The following CDH12 variants were observed in gnomAD, a reference collection of about 807,000 sequenced individuals.
CDH12 encodes cadherin-12.
A neutral mutation model predicts 74.1 loss-of-function variants in CDH12; 41 were observed. The ratio of observed to expected loss-of-function variants is 0.55; its 90% CI spans 0.43 to 0.72. The LOEUF (loss-of-function observed/expected upper bound fraction) is 0.72. CDH12 is among the 30% of genes least tolerant of loss of function. The pLI is 0.00. For synonymous variants in CDH12, 399 were observed against 355.0 expected, an observed-to-expected ratio of 1.12 and a Z score of -1.39; for missense variants, 945 against 977.2, an observed-to-expected ratio of 0.97 and a Z score of 0.44.
At chr5:22,166,060 T>A (rs1469361693) in intron 4 of CDH12, among the ~76,000 whole-genome samples, 1 of 152,256 alleles carries the variant, frequency 6.6e-6, no homozygotes, top group Non-Finnish European at 1.5e-5. Flanking sequence ...GCTTTCACTT[T>A]ACTCTGTGGA....
intron 4 of CDH12, among the ~76,000 whole-genome samples, chr5:22,193,771 G>A (rs1246677503): frequency 6.6e-6 from 1 of 151,770 alleles, no homozygotes; most frequent in African/African-American, 2.4e-5. Context: ...TGAGTCATCA[G>A]ACTCCACTGT....
intron 4 of CDH12, among the ~76,000 whole-genome samples, chr5:22,087,720 T>A (rs1255261593): frequency 1.3e-5 from 2 of 152,200 alleles, no homozygotes; most frequent in East Asian, 3.9e-4. Flanking sequence ...GAAATCTTCA[T>A]AAAAATTCAA....
chr5:21,804,643 AACACACACACACACACACAC>A (rs11281181), intron 9 of CDH12, among the ~76,000 whole-genome samples: 8 of 115,272 alleles, frequency 6.9e-5, no homozygotes, highest in African/African-American at 1.6e-4. Flanking sequence ...AGTGAATTAA[AACACACACACACACACACAC>A]ACACACACAC....
rs536315939 is a variant in CDH12, at chr5:21,823,143, G to A, written c.815-6011C>T. On this transcript the variant is annotated intron_variant, in intron 8 of 14. Transcript: ENST00000382254. ...TGATGGCATTTATGGTCTAGTGGGA[G>A]AGAAGTCAATTAAACAATCACACAA... 6.6e-5 allele frequency among the ~76,000 whole-genome samples: 10 copies of A among 152,118 alleles called. No individual in the cohort carries two copies. In the South Asian group the frequency reaches 2.1e-3, roughly 32 times the overall value.
chr5:22,645,271 A>T (rs760738344), intron 1 of CDH12, among the ~76,000 whole-genome samples: 4 of 152,100 alleles, frequency 2.6e-5, no homozygotes, highest in Non-Finnish European at 5.9e-5. Flanking sequence ...CAAAATATCA[A>T]CATCAACAGG....
chr5:22,613,501 T>A (rs1258009895), intron 1 of CDH12, among the ~76,000 whole-genome samples: 3 of 152,104 alleles, frequency 2.0e-5, no homozygotes, highest in Non-Finnish European at 2.9e-5. Context: ...TGTGATGATT[T>A]ATGAGACACG....
At chr5:22,633,405 A>C (rs1738681097) in intron 1 of CDH12, among the ~76,000 whole-genome samples, 1 of 152,174 alleles carries the variant, frequency 6.6e-6, no homozygotes, top group South Asian at 2.1e-4. Flanking sequence ...AATGGTTATA[A>C]ACTTATTTGA....
intron 1 of CDH12, among the ~76,000 whole-genome samples, chr5:22,766,902 C>T (rs1158990633): frequency 2.6e-5 from 4 of 152,086 alleles, no homozygotes; most frequent in East Asian, 1.9e-4. Context: ...TGCAGATTTT[C>T]GTATTGGCAG....
intron 2 of CDH12, among the ~76,000 whole-genome samples, chr5:22,478,848 A>G (rs748625625): frequency 2.0e-5 from 3 of 152,178 alleles, no homozygotes; most frequent in Non-Finnish European, 4.4e-5. Flanking sequence ...GACTGATGCT[A>G]TCATTTAGAT....
At chr5:21,760,197 C>A (rs910551284) in intron 13 of CDH12, among the ~76,000 whole-genome samples, 1 of 151,898 alleles carries the variant, frequency 6.6e-6, no homozygotes, top group Admixed American at 6.6e-5. Flanking sequence ...CTGTGCTGTA[C>A]GGTGTGTTAT....
chr5:22,138,875 T>TATATATATATATATATATATATAC (rs1256794399), intron 4 of CDH12, among the ~76,000 whole-genome samples: 13 of 137,678 alleles, frequency 9.4e-5, no homozygotes, highest in Non-Finnish European at 1.6e-4. Context: ...TATATATATA[T>TATATATATATATATATATATATAC]ACATGTTGGA....
intron 1 of CDH12, among the ~76,000 whole-genome samples, chr5:22,738,639 A>G (rs746114943): frequency 4.6e-5 from 7 of 152,114 alleles, no homozygotes; most frequent in African/African-American, 4.8e-5. Flanking sequence ...TCAAGGGGAC[A>G]TGTTTAAAAA....
At chr5:22,237,089 C>T (rs987500996) in intron 3 of CDH12, among the ~76,000 whole-genome samples, 5 of 152,050 alleles carry the variant, frequency 3.3e-5, no homozygotes, top group Admixed American at 1.3e-4. Flanking sequence ...TATAATTGTA[C>T]GTGCAACACT....
intron 1 of CDH12, among the ~76,000 whole-genome samples, chr5:22,747,202 A>G (rs1435873001): frequency 6.6e-6 from 1 of 152,172 alleles, no homozygotes; most frequent in Non-Finnish European, 1.5e-5. Context: ...CACTTATTAT[A>G]TGTTTATTTT....
At chr5:22,516,314 A>G (rs572861972) in intron 1 of CDH12, among the ~76,000 whole-genome samples, 11 of 152,200 alleles carry the variant, frequency 7.2e-5, no homozygotes, top group Non-Finnish European at 1.6e-4. Context: ...GAATATAAAT[A>G]CCATTTATAA....
At chr5:21,761,430 A>G (rs1744711081) in intron 12 of CDH12, among the ~76,000 whole-genome samples, 1 of 152,152 alleles carries the variant, frequency 6.6e-6, no homozygotes, top group Non-Finnish European at 1.5e-5. Flanking sequence ...TTATTAACAT[A>G]TCCAATGGCT....
intron 1 of CDH12, among the ~76,000 whole-genome samples, chr5:22,727,413 G>A (rs547005695): frequency 2.0e-5 from 3 of 151,102 alleles, no homozygotes; most frequent in Non-Finnish European, 4.4e-5. Flanking sequence ...GGGTTTTTTT[G>A]GTATTGTAAC....
intron 1 of CDH12, among the ~76,000 whole-genome samples, chr5:22,696,040 C>A (rs953710192): frequency 1.3e-5 from 2 of 151,994 alleles, no homozygotes; most frequent in Admixed American, 6.6e-5. Context: ...GTCTCTTAAT[C>A]CCACCAGAAT....
At chr5:22,520,893 CGTTA>C (rs987588863) in intron 1 of CDH12, among the ~76,000 whole-genome samples, 21 of 152,048 alleles carry the variant, frequency 1.4e-4, no homozygotes, top group Middle Eastern at 3.4e-3. Context: ...ACGTGGTTTC[CGTTA>C]GTTATTTATT....
Sources: gnomAD v4.1 joint callset for allele counts (sites outside exome capture counted in the v4.1 genomes callset) on GRCh38, gnomAD v4.1.1 for gene constraint, MANE v1.5 for transcripts, NCBI Gene and HGNC (gene_info 2026-07-23, HGNC 2026-07-21) for gene names.